The following ELMOD2 variants were observed in gnomAD, a reference collection of about 807,000 sequenced individuals.
The protein encoded by ELMOD2 is ELMO domain containing 2.
In ELMOD2, 28 loss-of-function variants were observed where a neutral mutation model predicts 41.0. That is an observed-to-expected ratio of 0.68 (90% CI 0.51 to 0.94). The LOEUF (loss-of-function observed/expected upper bound fraction) is 0.94, where lower values mean the gene tolerates loss of function less well. Ranked by LOEUF, ELMOD2 falls within the 40% of genes least tolerant of loss-of-function variation. The probability of loss-of-function intolerance (pLI) is 0.00; values close to 1 mark genes in which losing one functional copy is unlikely to be tolerated. For missense variants in ELMOD2, 333 were observed against 343.1 expected, an observed-to-expected ratio of 0.97 and a Z score of 0.23; for synonymous variants, 106 against 107.2, an observed-to-expected ratio of 0.99 and a Z score of 0.07.
At position 140,525,501 on chromosome 4, in the gene ELMOD2, A is replaced by G; in HGVS notation, c.73A>G (p.Met25Val). ...RFWMKWLLRQ[M>V]TGKCELQRIF... Reference sequence around the variant, plus strand: ...TTGGATGAAATGGCTATTACGACAGATGACTGGGAAGTGTGAATTGCAGCG... The same window carrying G: ...TTGGATGAAATGGCTATTACGACAGGTGACTGGGAAGTGTGAATTGCAGCG... The change falls in exon 2 of 9, where the codon ATG (methionine) becomes GTG (valine). Residue 25 changes from methionine (M) to valine (V), a missense_variant. Met to Val is a conservative substitution (Grantham distance 21). Coordinates refer to ENST00000323570, the MANE Select transcript of ELMOD2 (RefSeq NM_153702.4). The G allele has an allele frequency of 6.2e-7, 1 of 1,614,044 alleles. No homozygotes were observed. Among genetic ancestry groups the G allele is most frequent in the Non-Finnish European group, 8.5e-7 (1 of 1,179,964 alleles).
chr4:140,545,432 A>G (rs371154378), intron 8 of ELMOD2, among the ~76,000 whole-genome samples: 8 of 152,172 alleles, frequency 5.3e-5, no homozygotes, highest in African/African-American at 1.7e-4. Flanking sequence ...AATGTGCATT[A>G]AATGCCAAAA....
At chr4:140,526,155 TA>T (rs1734555958) in intron 2 of ELMOD2, among the ~76,000 whole-genome samples, 1 of 152,224 alleles carries the variant, frequency 6.6e-6, no homozygotes, top group Admixed American at 6.5e-5. Flanking sequence ...TAAGAAAATG[TA>T]AAAAGTCCCA....
chr4:140,543,066 T>C (rs1007702955), intron 7 of ELMOD2, among the ~76,000 whole-genome samples: 4 of 151,978 alleles, frequency 2.6e-5, no homozygotes. Context: ...AAAAGCATAG[T>C]AACAATGTTA....
chr4:140,536,418 G>A (rs1230391983), intron 4 of ELMOD2, among the ~76,000 whole-genome samples: 1 of 152,142 alleles, frequency 6.6e-6, no homozygotes, highest in Admixed American at 6.5e-5. Flanking sequence ...CAGCTGAGAT[G>A]AGGAACGGTC....
intron 3 of ELMOD2, among the ~76,000 whole-genome samples, chr4:140,535,208 A>G (rs552760807): frequency 4.3e-5 from 6 of 139,922 alleles, no homozygotes; most frequent in African/African-American, 1.4e-4. Flanking sequence ...TAAGGACTCT[A>G]TTTTTATTTT....
rs758862947 is a variant in ELMOD2, at chr4:140,527,511, G to T, written c.171+17G>T. ...AAGAATAAGGTAGGATAACATAAAG[G>T]TGGTAACTCTAGAAAACTTAACGTG... On this transcript the variant is annotated intron_variant, in intron 3 of 8. Transcript: ENST00000323570. The T allele has an allele frequency of 1.3e-6, 2 of 1,564,934 alleles. No homozygotes were observed. Among genetic ancestry groups the T allele is most frequent in the South Asian group, 2.4e-5 (2 of 83,328 alleles).
intron 1 of ELMOD2, 118 bp from the exon 2 acceptor site, chr4:140,525,302 A>G: frequency 8.8e-7 from 1 of 1,136,584 alleles, no homozygotes; most frequent in Non-Finnish European, 1.2e-6. Flanking sequence ...AACTGTCAAA[A>G]CAGACACAAT....
At chr4:140,532,634 A>G (rs894081933) in intron 3 of ELMOD2, among the ~76,000 whole-genome samples, 2 of 152,230 alleles carry the variant, frequency 1.3e-5, no homozygotes, top group African/African-American at 2.4e-5. Context: ...TTCTCAACCT[A>G]TGAAAGGCTG....
chr4:140,542,235 A>G (rs1361361437), intron 6 of ELMOD2, among the ~76,000 whole-genome samples: 1 of 151,868 alleles, frequency 6.6e-6, no homozygotes, highest in Non-Finnish European at 1.5e-5. Flanking sequence ...GTGTCCTAAC[A>G]GGTACATATT....
chr4:140,527,577 A>G (rs1053202130), intron 3 of ELMOD2, 83 bp downstream of exon 3: 3 of 1,215,222 alleles, frequency 2.5e-6, no homozygotes, highest in Non-Finnish European at 2.3e-6. Context: ...CCCTGCTAGA[A>G]GAGTGTTTTC....
intron 3 of ELMOD2, among the ~76,000 whole-genome samples, chr4:140,531,565 G>C (rs1020432702): frequency 6.6e-6 from 1 of 152,308 alleles, no homozygotes; most frequent in African/African-American, 2.4e-5. Flanking sequence ...TTTTATTGCA[G>C]CTGCCGTCTT....
At chr4:140,549,421 G>C (rs1391780597) in intron 8 of ELMOD2, among the ~76,000 whole-genome samples, 1 of 151,330 alleles carries the variant, frequency 6.6e-6, no homozygotes. Context: ...ACATTTTGGG[G>C]GTTAATTTGG....
In ELMOD2 at chr4:140,543,512, G is replaced by C. The variant is rs148286208; in HGVS notation, c.662G>C (p.Ser221Thr). ...LTEMAYSLLK[S>T]EALKFHLYNL... is the part of the protein sequence containing the mutation. ...GAGATGGCTTATAGCTTACTGAAGA[G>C]TGAAGCTTTGAAGTTTCATCTCTAT... The change falls in exon 8 of 9, where the codon AGT becomes ACT. Residue 221 changes from serine (S) to threonine (T), a missense_variant. Ser to Thr is a moderately conservative substitution (Grantham distance 58). Coordinates refer to ENST00000323570, the MANE Select transcript of ELMOD2 (RefSeq NM_153702.4). 80 of 1,606,738 alleles carry C rather than the reference G, an allele frequency of 5.0e-5. No homozygotes were observed. In the African/African-American group the frequency reaches 9.5e-4, roughly 19 times the overall value.
intron 4 of ELMOD2, among the ~76,000 whole-genome samples, chr4:140,536,629 T>C (rs1040348976): frequency 3.9e-5 from 6 of 152,188 alleles, no homozygotes; most frequent in Admixed American, 1.3e-4. Context: ...AAATGCTAGA[T>C]TGATACATTG....
chr4:140,542,388 G>T, intron 6 of ELMOD2, 186 bp from the exon 7 acceptor site: 1 of 505,722 alleles, frequency 2.0e-6, no homozygotes. Context: ...TACTACATAG[G>T]CCTGATAGCT....
intron 8 of ELMOD2, among the ~76,000 whole-genome samples, chr4:140,546,610 TA>T (rs1015879097): frequency 4.4e-4 from 65 of 147,106 alleles, no homozygotes; most frequent in African/African-American, 6.6e-4. Context: ...TTCATAAAAT[TA>T]AAAAAAAAAA....
intron 2 of ELMOD2, among the ~76,000 whole-genome samples, chr4:140,525,892 G>C (rs1340183216): frequency 6.6e-6 from 1 of 152,146 alleles, no homozygotes; most frequent in Non-Finnish European, 1.5e-5. Context: ...CACTCACATG[G>C]TGGGAAGAAT....
intron 2 of ELMOD2, chr4:140,526,815 A>G (rs1011503938): frequency 1.3e-5 from 2 of 152,264 alleles, no homozygotes; most frequent in Non-Finnish European, 2.9e-5. Context: ...TTGGTGTTTT[A>G]TAGTGTGGGG....
At chr4:140,533,042 A>G (rs1734801063) in intron 3 of ELMOD2, among the ~76,000 whole-genome samples, 1 of 152,216 alleles carries the variant, frequency 6.6e-6, no homozygotes. Context: ...AAAGATGCAT[A>G]AGACTTCTGC....
Sources: gnomAD v4.1 joint callset for allele counts (sites outside exome capture counted in the v4.1 genomes callset) on GRCh38, gnomAD v4.1.1 for gene constraint, MANE v1.5 for transcripts, NCBI Gene and HGNC (gene_info 2026-07-23, HGNC 2026-07-21) for gene names.